Variants in RAPGEF5 observed in about 807,000 individuals in gnomAD.
The protein encoded by RAPGEF5 is M-Ras-regulated GEF.
In RAPGEF5, 65 loss-of-function variants were observed where a neutral mutation model predicts 125.2. That is an observed-to-expected ratio of 0.52 (90% CI 0.43 to 0.64). The LOEUF is 0.64. RAPGEF5 is among the 30% of genes least tolerant of loss of function. RAPGEF5 has a pLI of 0.00. For synonymous variants in RAPGEF5, 391 were observed against 385.9 expected, an observed-to-expected ratio of 1.01 and a Z score of -0.16; for missense variants, 958 against 1,048.1, an observed-to-expected ratio of 0.91 and a Z score of 1.19.
At chr7:22,138,739 C>T (rs1376101463) in intron 21 of RAPGEF5, among the ~76,000 whole-genome samples, 1 of 152,246 alleles carries the variant, frequency 6.6e-6, no homozygotes, top group East Asian at 1.9e-4. Context: ...ATGCAGTGCT[C>T]TGCACATAGC....
chr7:22,142,604 A>T (rs1783299492), intron 20 of RAPGEF5, among the ~76,000 whole-genome samples: 1 of 152,256 alleles, frequency 6.6e-6, no homozygotes. Flanking sequence ...TCTGGAGAAG[A>T]CAAATTGATA....
chr7:22,308,295 G>A, intron 5 of RAPGEF5, 44 bp downstream of exon 5: 10 of 1,519,140 alleles, frequency 6.6e-6, no homozygotes, highest in Non-Finnish European at 8.9e-6. Context: ...GGTAAATGTT[G>A]TCTAAGTGTA....
chr7:22,231,711 A>G (rs999209918), intron 7 of RAPGEF5, among the ~76,000 whole-genome samples: 2 of 152,218 alleles, frequency 1.3e-5, no homozygotes, highest in African/African-American at 4.8e-5. Context: ...GGATCCACAC[A>G]TAATGACTGG....
intron 9 of RAPGEF5, among the ~76,000 whole-genome samples, chr7:22,218,686 C>A (rs1169110941): frequency 1.3e-5 from 2 of 152,198 alleles, no homozygotes; most frequent in African/African-American, 4.8e-5. Flanking sequence ...AGGCGTCAGT[C>A]TATGATATAG....
At chr7:22,241,857 G>A (rs192824696) in intron 7 of RAPGEF5, among the ~76,000 whole-genome samples, 3 of 152,276 alleles carry the variant, frequency 2.0e-5, no homozygotes, top group Admixed American at 2.0e-4. Context: ...TTTGTGGCAA[G>A]ACAACAGACT....
At chr7:22,136,884 C>A (rs1161880364) in intron 22 of RAPGEF5, 49 bp downstream of exon 22, 8 of 1,444,390 alleles carry the variant, frequency 5.5e-6, no homozygotes, top group Non-Finnish European at 6.7e-6. Flanking sequence ...AGAAACTAGA[C>A]CCTAGCAATT....
At chr7:22,167,606 A>C (rs891997392) in intron 11 of RAPGEF5, among the ~76,000 whole-genome samples, 2 of 152,214 alleles carry the variant, frequency 1.3e-5, no homozygotes, top group Non-Finnish European at 1.5e-5. Context: ...AGAACAATGA[A>C]TAATAAAACC....
At chr7:22,125,940 G>A (rs1350650025) in intron 24 of RAPGEF5, among the ~76,000 whole-genome samples, 1 of 152,164 alleles carries the variant, frequency 6.6e-6, no homozygotes, top group African/African-American at 2.4e-5. Context: ...TTGAGGTCAG[G>A]AGTTTGAGAC....
At chr7:22,151,811 G>A (rs1463697044) in intron 17 of RAPGEF5, among the ~76,000 whole-genome samples, 1 of 152,140 alleles carries the variant, frequency 6.6e-6, no homozygotes, top group African/African-American at 2.4e-5. Flanking sequence ...ACAAAAAGTA[G>A]ATTCTCTGTT....
Position 22,224,703 on chromosome 7 carries a change from G to A in RAPGEF5, c.871-4712C>T, listed in dbSNP as rs573641205. On this transcript the variant is annotated intron_variant, in intron 8 of 25. Coordinates refer to ENST00000665637, the MANE Select transcript of RAPGEF5 (RefSeq NM_012294.5). ...AGTACTGGATAGCTATAACTAACCC[G>A]TCACCATGGGGAGCCTGTTCCCTCC... Among the ~76,000 whole-genome samples the A allele has an allele frequency of 1.1e-4, 17 of 152,154 alleles. 1 individual carries two copies. In the South Asian group the frequency reaches 2.7e-3, roughly 24 times the overall value.
chr7:22,254,361 C>A (rs534727360), intron 7 of RAPGEF5, among the ~76,000 whole-genome samples: 1 of 151,258 alleles, frequency 6.6e-6, no homozygotes, highest in South Asian at 2.1e-4. Context: ...GTAATCCCAG[C>A]GCTTTGGGAG....
chr7:22,280,094 T>C (rs1782641272), intron 6 of RAPGEF5, among the ~76,000 whole-genome samples: 1 of 152,088 alleles, frequency 6.6e-6, no homozygotes, highest in African/African-American at 2.4e-5. Flanking sequence ...GGAACAGTCC[T>C]AAAGTTTCAG....
intron 5 of RAPGEF5, among the ~76,000 whole-genome samples, chr7:22,301,956 CCT>C (rs751318083): frequency 2.6e-4 from 39 of 152,254 alleles, no homozygotes; most frequent in African/African-American, 4.6e-4. Flanking sequence ...GAGCTCAACC[CCT>C]GTTAGTCGCT....
chr7:22,150,331 C>G (rs1738704540), intron 18 of RAPGEF5, 76 bp downstream of exon 18: 1 of 1,461,852 alleles, frequency 6.8e-7, no homozygotes, highest in African/African-American at 1.4e-5. Flanking sequence ...CCTTGGCCTC[C>G]CAAAGTGCTC....
chr7:22,224,615 C>T (rs992545421), intron 8 of RAPGEF5, among the ~76,000 whole-genome samples: 15 of 151,982 alleles, frequency 9.9e-5, no homozygotes, highest in Non-Finnish European at 1.5e-4. Flanking sequence ...CCAGTATGGC[C>T]CTCCCATACA....
chr7:22,301,569 C>G (rs940867335), intron 5 of RAPGEF5, among the ~76,000 whole-genome samples: 5 of 140,238 alleles, frequency 3.6e-5, no homozygotes, highest in Non-Finnish European at 7.5e-5. Flanking sequence ...AAGCCGAGAT[C>G]GTGCCACTGC....
At chr7:22,148,109 C>T (rs1215958750) in intron 18 of RAPGEF5, among the ~76,000 whole-genome samples, 4 of 152,212 alleles carry the variant, frequency 2.6e-5, no homozygotes, top group Middle Eastern at 3.4e-3. Flanking sequence ...AATGACCAAA[C>T]GAACCAGCTA....
chr7:22,338,428 T>C lies in RAPGEF5; in HGVS notation c.231+18402A>G, dbSNP rs572502442. 5.3e-5 allele frequency among the ~76,000 whole-genome samples: 8 copies of C among 152,364 alleles called. No individual in the cohort carries two copies. The East Asian group carries it at 1.3e-3, about 26-fold the overall frequency. On this transcript the variant is annotated intron_variant, in intron 1 of 25. Coordinates refer to ENST00000665637, the MANE Select transcript of RAPGEF5 (RefSeq NM_012294.5). ...TTATGTTCTAACACTATAGTTACAC[T>C]ATGTATTTTGAAATTTGTAAAATTT...
Position 22,221,086 on chromosome 7 carries a change from C to T in RAPGEF5, c.871-1095G>A, listed in dbSNP as rs570802373. On this transcript the variant is annotated intron_variant, in intron 8 of 25. Transcript: ENST00000665637. ...GGTATCTCTTTATCTAGCAGTTTGT[C>T]GAACTAGGAAGGAAATAAAAAATTT... 5.3e-5 allele frequency among the ~76,000 whole-genome samples: 8 copies of T among 152,256 alleles called. No individual in the cohort carries two copies. The East Asian group carries it at 5.8e-4, about 11-fold the overall frequency.
Sources: allele counts gnomAD v4.1 joint callset (sites outside exome capture counted in the v4.1 genomes callset), GRCh38; gene constraint gnomAD v4.1.1; transcripts MANE v1.5; gene names NCBI Gene and HGNC (gene_info 2026-07-23, HGNC 2026-07-21).